The following PPP2R3A variants were observed in gnomAD, a reference collection of about 807,000 sequenced individuals.
PPP2R3A encodes the protein serine/threonine-protein phosphatase 2A regulatory subunit B'' subunit alpha.
Under a neutral mutation model 106.9 loss-of-function variants are expected in PPP2R3A, and 80 were observed. That is an observed-to-expected ratio of 0.75 (90% CI 0.62 to 0.90). The LOEUF is 0.90. Ranked by LOEUF, PPP2R3A falls within the 40% of genes least tolerant of loss-of-function variation. The pLI is 0.00. For missense variants in PPP2R3A, 1,386 were observed against 1,350.4 expected, an observed-to-expected ratio of 1.03 and a Z score of -0.41; for synonymous variants, 483 against 468.3, an observed-to-expected ratio of 1.03 and a Z score of -0.41.
chr3:136,122,459 A>T (rs1370208410), intron 13 of PPP2R3A, among the ~76,000 whole-genome samples: 1 of 152,210 alleles, frequency 6.6e-6, no homozygotes, highest in Non-Finnish European at 1.5e-5. Context: ...CACATATATG[A>T]AAGTTTACCC....
intron 1 of PPP2R3A, among the ~76,000 whole-genome samples, chr3:135,981,423 C>T (rs766519588): frequency 5.9e-5 from 9 of 151,740 alleles, no homozygotes; most frequent in Non-Finnish European, 1.3e-4. Flanking sequence ...CAGAAATGGT[C>T]AGTAAGGCCA....
At chr3:135,977,693 T>TC (rs1170186240) in intron 1 of PPP2R3A, among the ~76,000 whole-genome samples, 6 of 137,322 alleles carry the variant, frequency 4.4e-5, no homozygotes, top group Non-Finnish European at 9.4e-5. Context: ...GCATTCTTTT[T>TC]TTTTTTTTTT....
intron 3 of PPP2R3A, among the ~76,000 whole-genome samples, chr3:136,029,860 A>G (rs1209285624): frequency 1.3e-5 from 2 of 152,194 alleles, no homozygotes; most frequent in African/African-American, 4.8e-5. Context: ...CAGTTCAGGT[A>G]GCAAAGTAAA....
chr3:135,971,435 A>G (rs1367910618), intron 1 of PPP2R3A, among the ~76,000 whole-genome samples: 1 of 152,208 alleles, frequency 6.6e-6, no homozygotes, highest in Non-Finnish European at 1.5e-5. Context: ...AACCTAGCAG[A>G]GAGGCTTTTA....
chr3:136,111,779 C>G (rs957409447), intron 13 of PPP2R3A, among the ~76,000 whole-genome samples: 9 of 152,120 alleles, frequency 5.9e-5, no homozygotes, highest in African/African-American at 1.9e-4. Flanking sequence ...CAAGGAGGGA[C>G]TCCTCTCTAA....
chr3:136,030,937 A>G (rs529950654), intron 3 of PPP2R3A, among the ~76,000 whole-genome samples: 1 of 152,128 alleles, frequency 6.6e-6, no homozygotes, highest in African/African-American at 2.4e-5. Flanking sequence ...ACATGCATGT[A>G]CAAGTATCTT....
chr3:136,048,942 G>T (rs1462789028), intron 4 of PPP2R3A, among the ~76,000 whole-genome samples: 2 of 152,062 alleles, frequency 1.3e-5, no homozygotes, highest in Non-Finnish European at 2.9e-5. Context: ...ACTAGATGAG[G>T]TTACTGGAGT....
chr3:135,984,177 C>A (rs1185773069), intron 1 of PPP2R3A, among the ~76,000 whole-genome samples: 3 of 152,096 alleles, frequency 2.0e-5, no homozygotes, highest in African/African-American at 7.2e-5. Flanking sequence ...AGAGTTCCTT[C>A]CCTAGAAGTT....
At chr3:136,134,697 A>G (rs1938539156) in intron 13 of PPP2R3A, among the ~76,000 whole-genome samples, 1 of 152,206 alleles carries the variant, frequency 6.6e-6, no homozygotes, top group Admixed American at 6.5e-5. Flanking sequence ...TCTATAATTT[A>G]TAAAGGTTCA....
intron 6 of PPP2R3A, among the ~76,000 whole-genome samples, chr3:136,076,776 G>A (rs1253230118): frequency 1.3e-5 from 2 of 151,998 alleles, no homozygotes; most frequent in Non-Finnish European, 2.9e-5. Flanking sequence ...GTGAAACCCC[G>A]TCTCAACTAA....
intron 3 of PPP2R3A, among the ~76,000 whole-genome samples, chr3:136,038,951 T>C (rs937839434): frequency 2.6e-5 from 4 of 152,228 alleles, no homozygotes; most frequent in African/African-American, 9.6e-5. Context: ...AAATCTTAAA[T>C]TCTGCTCTGC....
chr3:136,010,314 A>G (rs969198246), intron 2 of PPP2R3A, among the ~76,000 whole-genome samples: 18 of 136,172 alleles, frequency 1.3e-4, no homozygotes, highest in Admixed American at 4.8e-4. Context: ...GCTGGAGTGC[A>G]GTGGTGTGAT....
intron 13 of PPP2R3A, among the ~76,000 whole-genome samples, chr3:136,120,541 C>T (rs1034205278): frequency 1.3e-5 from 2 of 151,986 alleles, no homozygotes; most frequent in Admixed American, 6.6e-5. Context: ...TGAGCCGATA[C>T]CGTGCCACTG....
At chr3:135,994,951 A>C (rs1288501390) in intron 1 of PPP2R3A, among the ~76,000 whole-genome samples, 1 of 152,220 alleles carries the variant, frequency 6.6e-6, no homozygotes, top group East Asian at 1.9e-4. Flanking sequence ...TTCATTAGGA[A>C]CTGCCATATA....
rs1241762695 is a variant in PPP2R3A, at chr3:136,002,037, C to A, written c.539C>A (p.Ser180Tyr). Residue 180 changes from serine to tyrosine, a missense_variant, in exon 2 of 14, where the codon TCC (serine) becomes TAC (tyrosine). Coordinates refer to ENST00000264977, the MANE Select transcript of PPP2R3A (RefSeq NM_002718.5). ...CCATCCTTTGGTTTACTGCGGAGTT[C>A]CTCAGTTGAGGAAAAACCTTTGTCT... ...NAPSFGLLRS[S>Y]SVEEKPLSHR... 1.2e-6 allele frequency: 2 copies of A among 1,613,908 alleles called. No individual in the cohort carries two copies. Among genetic ancestry groups the A allele is most frequent in the East Asian group, 4.5e-5 (2 of 44,872 alleles).
At chr3:136,025,550 AAATC>A (rs1257262441) in intron 2 of PPP2R3A, among the ~76,000 whole-genome samples, 1 of 152,116 alleles carries the variant, frequency 6.6e-6, no homozygotes, top group Non-Finnish European at 1.5e-5. Context: ...TTATATGAAT[AAATC>A]TTATCTCTTT....
At chr3:136,079,715 A>G (rs1936720821) in intron 7 of PPP2R3A, among the ~76,000 whole-genome samples, 1 of 145,172 alleles carries the variant, frequency 6.9e-6, no homozygotes, top group African/African-American at 2.5e-5. Context: ...CCTAATCCAT[A>G]TTTTTTCTTT....
At chr3:136,009,769 C>G (rs557122428) in intron 2 of PPP2R3A, among the ~76,000 whole-genome samples, 2 of 152,124 alleles carry the variant, frequency 1.3e-5, no homozygotes, top group Non-Finnish European at 2.9e-5. Context: ...TGCCATAATT[C>G]GTCACTAAAA....
At chr3:136,043,733 T>C (rs1935375689) in intron 4 of PPP2R3A, among the ~76,000 whole-genome samples, 1 of 152,260 alleles carries the variant, frequency 6.6e-6, no homozygotes, top group South Asian at 2.1e-4. Context: ...TTCAGCTTTA[T>C]TATGCTTTAC....
Sources: gnomAD v4.1 joint callset for allele counts (sites outside exome capture counted in the v4.1 genomes callset) on GRCh38, gnomAD v4.1.1 for gene constraint, MANE v1.5 for transcripts, NCBI Gene and HGNC (gene_info 2026-07-23, HGNC 2026-07-21) for gene names.